Variants in RNF207 observed in about 807,000 individuals in gnomAD.
RNF207 encodes the protein ring finger protein 207, also known as OTTHUMG00000001089.
In RNF207, 72 loss-of-function variants were observed where a neutral mutation model predicts 79.0. That is an observed-to-expected ratio of 0.91 (90% confidence interval 0.75 to 1.11). The LOEUF (loss-of-function observed/expected upper bound fraction) is 1.11, where lower values mean the gene tolerates loss of function less well. Among genes scored for constraint, RNF207 ranks in the 50% least tolerant of loss-of-function variants. The probability of loss-of-function intolerance (pLI) is 0.00; values close to 1 mark genes in which losing one functional copy is unlikely to be tolerated. For synonymous variants in RNF207, 348 were observed against 366.2 expected, an observed-to-expected ratio of 0.95 and a Z score of 0.57; for missense variants, 936 against 855.8, an observed-to-expected ratio of 1.09 and a Z score of -1.17.
At position 6,212,366 on chromosome 1, in the gene RNF207, A is replaced by G; in HGVS notation, c.1432A>G (p.Ile478Val). ...CAAGTCCCTGCAACTGGACGTGCAG[A>G]TCGCCTCGGAGCACGCCTCCTTAGA... The part of the protein sequence containing the change: ...LHKSLQLDVQ[I>V]ASEHASLEGM... Residue 478 changes from isoleucine to valine, a missense_variant, in exon 14 of 18, where the codon ATC (isoleucine) becomes GTC (valine). Transcript: ENST00000377939. 1 of 1,613,782 alleles carries G rather than the reference A, an allele frequency of 6.2e-7. No homozygotes were observed. Among genetic ancestry groups the G allele is most frequent in the Non-Finnish European group, 8.5e-7 (1 of 1,179,918 alleles).
intron 15 of RNF207, 75 bp from the exon 16 acceptor site, chr1:6,212,991 G>A (rs762942085): frequency 4.3e-5 from 44 of 1,013,374 alleles, no homozygotes; most frequent in Non-Finnish European, 6.4e-5. Context: ...TATTTACGTG[G>A]TGCCTGGCTT....
chr1:6,218,062 G>A (rs929108444), intron 16 of RNF207, among the ~76,000 whole-genome samples: 29 of 152,364 alleles, frequency 1.9e-4, no homozygotes, highest in African/African-American at 6.5e-4. Flanking sequence ...TGTCTGGCCC[G>A]ACCAGCACGC....
At chr1:6,213,276 T>C (rs1668247450) in intron 16 of RNF207, 93 bp downstream of exon 16, 4 of 752,626 alleles carry the variant, frequency 5.3e-6, no homozygotes, top group Admixed American at 2.4e-5. Flanking sequence ...ATCCTAACAC[T>C]TCGGGAGGCT....
chr1:6,213,103 T>A lies in RNF207; in HGVS notation c.1572T>A (p.Asn524Lys), dbSNP rs771555196. 1 of 1,613,404 alleles carries A rather than the reference T, an allele frequency of 6.2e-7. No homozygotes were observed. The highest frequency in any genetic ancestry group is 8.5e-7 in the Non-Finnish European group (1 of 1,179,842). ...LHDLLQLRQE[N>K]AYLTTITKQI... The stretch of plus-strand genomic sequence containing the variant: ...ACCTTCTCCAGCTGAGGCAGGAGAA[T>A]GCCTACCTGACCACCATCACCAAGC... Residue 524 changes from asparagine to lysine, a missense_variant, in exon 16 of 18, where the codon AAT (asparagine) becomes AAA (lysine). Transcript: ENST00000377939.
chr1:6,219,340 T>G lies in RNF207; in HGVS notation c.1838T>G (p.Met613Arg). ...GLSEEPLLKN[M>R]DHHRSKQKNG... ...TCAGAAGAGCCTCTACTGAAAAATA[T>G]GGATCATCACAGATCCAAACAGAAA... Residue 613 changes from methionine to arginine, a missense_variant, in exon 18 of 18, where the codon ATG (methionine) becomes AGG (arginine). Transcript: ENST00000377939. 6.2e-7 allele frequency: 1 copy of G among 1,613,426 alleles called. No individual in the cohort carries two copies. Among genetic ancestry groups the G allele is most frequent in the East Asian group, 2.2e-5 (1 of 44,882 alleles).
Position 6,207,461 on chromosome 1 carries a change from G to A in RNF207, c.274G>A (p.Gly92Ser). The change falls in exon 3 of 18, where the codon GGC becomes AGC. Residue 92 changes from glycine (G) to serine (S), a missense_variant. By Grantham distance (56) the Gly-to-Ser change is moderately conservative. Transcript: ENST00000377939. The surrounding 1 kb of genome is among the most constrained non-coding windows in gnomAD (Gnocchi z 4.5). ...LQFLVDSSGDGVEAVRCANCD... is the reference protein window; with the variant it reads ...LQFLVDSSGDSVEAVRCANCD... ...GTTCCTGGTGGACAGCTCAGGGGAT[G>A]GCGTGGAGGCGGTGCGCTGTGCCAA... 3 of 1,586,538 alleles carry A rather than the reference G, an allele frequency of 1.9e-6. No individual in the cohort carries two copies. Among genetic ancestry groups the A allele is most frequent in the Non-Finnish European group, 2.6e-6 (3 of 1,165,010 alleles).
rs1016090217 is a variant in RNF207 at position 6,211,246 on chromosome 1, G to C, written c.1109+128G>C. 3.1e-5 allele frequency: 20 copies of C among 655,572 alleles called. No individual in the cohort carries two copies. The African/African-American group carries it at 3.6e-4, about 12-fold the overall frequency. The allele number at this position is 655,572 out of a possible 1,614,324, so 40.6% of individuals were successfully genotyped here. A position where few individuals can be genotyped will look rare whatever the true frequency, so the allele number is the denominator to read the frequency against. On this transcript the variant is annotated intron_variant, in intron 12 of 17. Transcript: ENST00000377939. This position sits in a 1 kb window ranked among gnomAD's most constrained non-coding sequence, Gnocchi z 4.2. ...CCATTCCTTCCTCCGTCCTTAGCTC[G>C]CCACCCTCCCAGCAGGGTGTCTGGG... is the stretch of plus-strand genomic sequence containing the variant.
rs57199411 is a variant in RNF207 at position 6,220,321 on chromosome 1, G to A, written c.*914G>A. The A allele has an allele frequency of 1.3e-5, 2 of 152,144 alleles. No homozygotes were observed. Among genetic ancestry groups the A allele is most frequent in the African/African-American group, 4.8e-5 (2 of 41,384 alleles). The allele number at this position is 152,144 out of a possible 1,614,324, so 9.4% of individuals were successfully genotyped here. On this transcript the variant is annotated 3_prime_UTR_variant, in exon 18 of 18. Coordinates refer to ENST00000377939, the MANE Select transcript of RNF207 (RefSeq NM_207396.3). ...AATCCCTCGCTAGTTCCACACCTAC[G>A]CACCGAGCGTCGGTGTGCCAGGCCC...
Position 6,207,961 on chromosome 1 carries a change from G to A in RNF207, c.324+450G>A. 3.0e-6 allele frequency: 1 copy of A among 331,384 alleles called. No individual in the cohort carries two copies. The highest frequency in any genetic ancestry group is 2.5e-5 in the South Asian group (1 of 39,654). The allele number at this position is 331,384 out of a possible 1,614,324, so 20.5% of individuals were successfully genotyped here. A position where few individuals can be genotyped will look rare whatever the true frequency, so the allele number is the denominator to read the frequency against. On this transcript the variant is annotated intron_variant, in intron 3 of 17. Coordinates refer to ENST00000377939, the MANE Select transcript of RNF207 (RefSeq NM_207396.3). The surrounding 1 kb of genome is among the most constrained non-coding windows in gnomAD (Gnocchi z 4.5). ...CTCTGGCCTGCGGAGGCCAGAAAAT[G>A]TATCGGGAATCCCAGGAGGACGGCC...
intron 15 of RNF207, 62 bp downstream of exon 15, chr1:6,212,795 A>G (rs2100937644): frequency 7.2e-7 from 1 of 1,385,414 alleles, no homozygotes; most frequent in East Asian, 2.3e-5. Context: ...ATACTAGCAG[A>G]GGAGGAAGTC....
rs1016239122 is a variant in RNF207 at position 6,211,181 on chromosome 1, G to A, written c.1109+63G>A. ...AACACTGGGGTGTGGGGGAGGGTGGGCGCTGAGGGGCCAGATCGCCAGCAA... is the reference window on the plus strand; with the variant it reads ...AACACTGGGGTGTGGGGGAGGGTGGACGCTGAGGGGCCAGATCGCCAGCAA... On this transcript the variant is annotated intron_variant, in intron 12 of 17. Transcript: ENST00000377939. The surrounding 1 kb of genome is among the most constrained non-coding windows in gnomAD (Gnocchi z 4.2). 4 of 1,146,180 alleles carry A rather than the reference G, an allele frequency of 3.5e-6. No homozygotes were observed. The highest frequency in any genetic ancestry group is 4.9e-6 in the Non-Finnish European group (4 of 811,824). The allele number at this position is 1,146,180 out of a possible 1,614,324, so 71.0% of individuals were successfully genotyped here. A position where few individuals can be genotyped will look rare whatever the true frequency, so the allele number is the denominator to read the frequency against.
Position 6,209,967 on chromosome 1 carries a change from A to T in RNF207, c.797A>T (p.Gln266Leu), listed in dbSNP as rs549242113. The T allele has an allele frequency of 6.3e-7, 1 of 1,590,084 alleles. No homozygotes were observed. Among genetic ancestry groups the T allele is most frequent in the East Asian group, 2.2e-5 (1 of 44,594 alleles). ...AAAGCGCTGCTGCTGCAGGCTGTGC[A>T]GAGGTGAGTTGGGGGGAGCGGGGCT... ...ERKALLLQAV[Q>L]SQYEEKDKAF... Residue 266 changes from glutamine (Q) to leucine (L), a missense_variant, in exon 8 of 18, where the codon CAG (glutamine) becomes CTG (leucine). Coordinates refer to ENST00000377939, the MANE Select transcript of RNF207 (RefSeq NM_207396.3).
Position 6,208,956 on chromosome 1 carries a change from G to A in RNF207, c.400G>A (p.Ala134Thr), listed in dbSNP as rs1213767001. ...GCGCTGCCGCGACGAGACGCACCGA[G>A]CACGCATGTTCGCGCGCCACGACAT... ...CARCRDETHR[A>T]RMFARHDIVA... The change falls in exon 4 of 18, where the codon GCA (alanine) becomes ACA (threonine). Residue 134 changes from alanine (A) to threonine (T), a missense_variant. Physicochemically the swap from Ala to Thr is moderately conservative, Grantham distance 58 (BLOSUM62 0). Transcript: ENST00000377939. 5.2e-6 allele frequency: 8 copies of A among 1,536,098 alleles called. No homozygotes were observed. Among genetic ancestry groups the A allele is most frequent in the Non-Finnish European group, 7.0e-6 (8 of 1,145,720 alleles).
Position 6,206,616 on chromosome 1 carries a change from G to A in RNF207, c.81G>A (p.Leu27=), listed in dbSNP as rs1356379946. The A allele has an allele frequency of 1.9e-6, 3 of 1,607,502 alleles. No homozygotes were observed. The highest frequency in any genetic ancestry group is 1.7e-5 in the Admixed American group (1 of 59,976). ...GCATCCACCCGCTGGTGTGCCCGCT[G>A]TGCCACGTGCAGTACGAGCGCCCGT... ...APSIHPLVCP[L]CHVQYERPCL... The change falls in exon 2 of 18, where the codon CTG becomes CTA. Residue 27 remains leucine (L), a synonymous_variant. Coordinates refer to ENST00000377939, the MANE Select transcript of RNF207 (RefSeq NM_207396.3).
In RNF207 at chr1:6,209,910, G is replaced by T; in HGVS notation, c.754-14G>T. On this transcript the variant is annotated splice_polypyrimidine_tract_variant and intron_variant, in intron 7 of 17. Coordinates refer to ENST00000377939, the MANE Select transcript of RNF207 (RefSeq NM_207396.3). Reference sequence around the variant, plus strand: ...TGGGGCGCAAATCAAGAGCATGCTCGCCATCTCTCCCAGGACAGGCTGGCA... The same window carrying T: ...TGGGGCGCAAATCAAGAGCATGCTCTCCATCTCTCCCAGGACAGGCTGGCA... 6.4e-7 allele frequency: 1 copy of T among 1,574,546 alleles called. No homozygotes were observed. The highest frequency in any genetic ancestry group is 2.3e-5 in the East Asian group (1 of 44,218).
chr1:6,212,327 G>A lies in RNF207; in HGVS notation c.1393G>A (p.Gly465Arg), dbSNP rs776995148. ...CTCGCTCATCAAGGCGGAGATCATG[G>A]GAGACGTCCTGCACAAGTCCCTGCA... ...HHSLIKAEIM[G>R]DVLHKSLQLD... Residue 465 changes from glycine (G) to arginine (R), a missense_variant, in exon 14 of 18, where the codon GGA becomes AGA. Coordinates refer to ENST00000377939, the MANE Select transcript of RNF207 (RefSeq NM_207396.3). The A allele has an allele frequency of 3.1e-6, 5 of 1,613,864 alleles. No homozygotes were observed. Among genetic ancestry groups the A allele is most frequent in the South Asian group, 2.2e-5 (2 of 91,056 alleles).
Position 6,208,761 on chromosome 1 carries a change from C to T in RNF207, c.325-120C>T, listed in dbSNP as rs1571200673. 6.9e-6 allele frequency: 7 copies of T among 1,017,040 alleles called. No homozygotes were observed. The East Asian group carries it at 1.4e-4, about 20-fold the overall frequency. 63.0% of individuals were successfully genotyped at this position (1,017,040 alleles called of 1,614,324 possible). ...GTGCCTGGATTACAGGAAAGGGCTG[C>T]GTTTAGCTGCGCACCCGGCCACGGC... On this transcript the variant is annotated intron_variant, in intron 3 of 17. Transcript: ENST00000377939.
Position 6,207,615 on chromosome 1 carries a change from G to A in RNF207, c.324+104G>A. On this transcript the variant is annotated intron_variant, in intron 3 of 17. Coordinates refer to ENST00000377939, the MANE Select transcript of RNF207 (RefSeq NM_207396.3). The surrounding 1 kb of genome is among the most constrained non-coding windows in gnomAD (Gnocchi z 4.5). The stretch of plus-strand genomic sequence containing the variant: ...CATGTCTTCAGAGGACGACCTGGCA[G>A]TGGATTCTCCAGCACCTCCCTAGGG... The A allele has an allele frequency of 7.5e-7, 1 of 1,334,584 alleles. No individual in the cohort carries two copies. Among genetic ancestry groups the A allele is most frequent in the Non-Finnish European group, 1.0e-6 (1 of 961,400 alleles). The allele number at this position is 1,334,584 out of a possible 1,614,324, so 82.7% of individuals were successfully genotyped here.
In RNF207 at chr1:6,215,325, G is replaced by GC. The variant is rs1196609183; in HGVS notation, c.1652+2148dup. Among the ~76,000 whole-genome samples, 1,288 of 149,206 alleles carry GC rather than the reference G, an allele frequency of 8.6e-3. 12 individuals carry two copies. Among genetic ancestry groups the GC allele is most frequent in the African/African-American group, 0.029 (1,168 of 40,144 alleles). On this transcript the variant is annotated intron_variant, in intron 16 of 17. Transcript: ENST00000377939. ...TTACAGGCGTGAGCCACTGCACCCGGCCCCCCTTTTTTTTTTTTTTTTTTG... is the reference window on the plus strand; with the variant it reads ...TTACAGGCGTGAGCCACTGCACCCGGCCCCCCCTTTTTTTTTTTTTTTTTTG...
Sources: allele counts gnomAD v4.1 joint callset (sites outside exome capture counted in the v4.1 genomes callset), GRCh38; gene constraint gnomAD v4.1.1; non-coding constraint Gnocchi (gnomAD v3.1); transcripts MANE v1.5; gene names NCBI Gene and HGNC (gene_info 2026-07-23, HGNC 2026-07-21).